Variants in PRKG1 observed in about 807,000 individuals in gnomAD.
PRKG1 encodes the protein cGMP-dependent protein kinase 1.
In PRKG1, 35 loss-of-function variants were observed where a neutral mutation model predicts 88.1. That is an observed-to-expected ratio of 0.40 (90% confidence interval 0.30 to 0.53). PRKG1 has a LOEUF of 0.53. PRKG1 is among the 20% of genes least tolerant of loss of function. PRKG1 has a pLI of 0.59. For synonymous variants in PRKG1, 303 were observed against 292.5 expected (o/e 1.04, Z -0.37); for missense variants, 540 against 839.8 (o/e 0.64, Z 4.41).
At chr10:52,207,394 C>G (rs555761922) in intron 9 of PRKG1, among the ~76,000 whole-genome samples, 8 of 152,222 alleles carry the variant, frequency 5.3e-5, no homozygotes, top group African/African-American at 1.4e-4. Flanking sequence ...TGGGCATGGC[C>G]AGGCTGGAGC....
intron 3 of PRKG1, among the ~76,000 whole-genome samples, chr10:51,742,471 A>C (rs142735279): frequency 1.3e-5 from 2 of 152,322 alleles, no homozygotes; most frequent in African/African-American, 2.4e-5. Flanking sequence ...GAGGGAGAAG[A>C]CCAGAGAGAT....
At chr10:52,181,135 G>A (rs896895569) in intron 9 of PRKG1, among the ~76,000 whole-genome samples, 12 of 152,208 alleles carry the variant, frequency 7.9e-5, no homozygotes, top group African/African-American at 2.4e-4. Context: ...CAGCCCTCAG[G>A]GCCATTTCTC....
intron 9 of PRKG1, among the ~76,000 whole-genome samples, chr10:52,178,499 C>A (rs1361919719): frequency 6.6e-6 from 1 of 151,778 alleles, no homozygotes; most frequent in African/African-American, 2.4e-5. Context: ...TCTGTAATAT[C>A]TGTTAGGTTC....
At chr10:51,475,740 T>C (rs1380644362) in intron 3 of PRKG1, among the ~76,000 whole-genome samples, 1 of 151,750 alleles carries the variant, frequency 6.6e-6, no homozygotes, top group African/African-American at 2.4e-5. Flanking sequence ...GAAGAACAGA[T>C]TGAGAGGGAG....
chr10:51,109,477 A>G (rs927130231), intron 1 of PRKG1, among the ~76,000 whole-genome samples: 5 of 152,136 alleles, frequency 3.3e-5, no homozygotes, highest in Admixed American at 2.6e-4. Context: ...AAGGCAATTA[A>G]GTGAAAAAGG....
chr10:51,986,346 T>C (rs182742789), intron 5 of PRKG1, among the ~76,000 whole-genome samples: 245 of 152,312 alleles, frequency 1.6e-3, no homozygotes, highest in Non-Finnish European at 6.3e-4. Flanking sequence ...TAAACCTCTA[T>C]TGTTCAGAAT....
chr10:51,431,479 C>T (rs1305637506), intron 2 of PRKG1, among the ~76,000 whole-genome samples: 1 of 152,040 alleles, frequency 6.6e-6, no homozygotes, highest in Non-Finnish European at 1.5e-5. Context: ...GATACCTGGC[C>T]CTGTGTTGAT....
intron 5 of PRKG1, among the ~76,000 whole-genome samples, chr10:52,021,532 A>AAG (rs1410065234): frequency 6.6e-6 from 1 of 152,248 alleles, no homozygotes; most frequent in Non-Finnish European, 1.5e-5. Context: ...TTAAGTGAAC[A>AAG]AGAGCAACTT....
intron 3 of PRKG1, chr10:51,699,554 C>A (rs780056509): frequency 6.2e-7 from 1 of 1,605,204 alleles, no homozygotes; most frequent in African/African-American, 1.3e-5. Flanking sequence ...CGACATGATT[C>A]CGGTTGTGCA....
In PRKG1 at chr10:51,729,103, CTGTTGATTACTCTA is replaced by C. The variant is rs1252723053; in HGVS notation, c.593-75475_593-75462del. 2.0e-5 allele frequency among the ~76,000 whole-genome samples: 3 copies of C among 152,144 alleles called. No homozygotes were observed. In the South Asian group the frequency reaches 6.2e-4, roughly 32 times the overall value. ...ATCAGCAAAATGGAAAGATGACTCT[CTGTTGATTACTCTA>C]TGTTGAGAACCTTAAGATTCAGATG... On this transcript the variant is annotated intron_variant, in intron 3 of 17. Transcript: ENST00000373980.
chr10:51,297,206 G>T (rs973694415), intron 2 of PRKG1, among the ~76,000 whole-genome samples: 2 of 152,054 alleles, frequency 1.3e-5, no homozygotes, highest in Non-Finnish European at 2.9e-5. Context: ...CATGTTGTGG[G>T]GAGGGTAGAC....
chr10:51,743,853 G>T (rs560132999), intron 3 of PRKG1, among the ~76,000 whole-genome samples: 1 of 147,690 alleles, frequency 6.8e-6, no homozygotes, highest in Non-Finnish European at 1.5e-5. Context: ...AGAAAGACTT[G>T]GGATTTCTGA....
intron 1 of PRKG1, among the ~76,000 whole-genome samples, chr10:51,012,607 A>G (rs1009197633): frequency 1.3e-5 from 2 of 152,220 alleles, no homozygotes; most frequent in Non-Finnish European, 2.9e-5. Flanking sequence ...CCATTCACTC[A>G]TTTATTCATT....
intron 2 of PRKG1, among the ~76,000 whole-genome samples, chr10:51,402,091 A>G (rs1159720450): frequency 6.6e-6 from 1 of 152,210 alleles, no homozygotes; most frequent in Non-Finnish European, 1.5e-5. Flanking sequence ...ATTATAGCAT[A>G]AGAACAATAC....
chr10:51,832,722 A>T (rs893866830), intron 4 of PRKG1, among the ~76,000 whole-genome samples: 1 of 152,168 alleles, frequency 6.6e-6, no homozygotes, highest in Non-Finnish European at 1.5e-5. Context: ...CCCATGATTG[A>T]ATCTTAGACA....
intron 5 of PRKG1, among the ~76,000 whole-genome samples, chr10:51,970,776 A>C (rs1163835372): frequency 6.8e-6 from 1 of 146,376 alleles, no homozygotes; most frequent in Non-Finnish European, 1.5e-5. Flanking sequence ...ATATATATAT[A>C]TCAGATATAT....
intron 3 of PRKG1, chr10:51,698,606 G>A (rs1448548046): frequency 2.5e-6 from 4 of 1,613,918 alleles, no homozygotes; most frequent in East Asian, 4.5e-5. Context: ...GGGTCCGCGA[G>A]GTATAGGAGC....
At chr10:51,277,060 G>A (rs1840142683) in intron 2 of PRKG1, among the ~76,000 whole-genome samples, 1 of 152,190 alleles carries the variant, frequency 6.6e-6, no homozygotes, top group Non-Finnish European at 1.5e-5. Flanking sequence ...GAATGGTATT[G>A]ACTAAGTTTT....
chr10:52,134,015 T>C (rs1370171642), intron 8 of PRKG1, 110 bp downstream of exon 8: 3 of 823,064 alleles, frequency 3.6e-6, no homozygotes, highest in Admixed American at 3.0e-5. Flanking sequence ...TTTATATCTT[T>C]TCATTTTTAA....
Sources: allele counts gnomAD v4.1 joint callset (sites outside exome capture counted in the v4.1 genomes callset), GRCh38; gene constraint gnomAD v4.1.1; transcripts MANE v1.5; gene names NCBI Gene and HGNC (gene_info 2026-07-23, HGNC 2026-07-21).